The following NRXN3 variants were observed in gnomAD, a reference collection of about 807,000 sequenced individuals.
NRXN3 encodes the protein neurexin 3.
A neutral mutation model predicts 137.6 loss-of-function variants in NRXN3; 32 were observed. That is an observed-to-expected ratio of 0.23 (90% CI 0.18 to 0.31). The LOEUF (loss-of-function observed/expected upper bound fraction) is 0.31. Among genes scored for constraint, NRXN3 ranks in the 10% least tolerant of loss-of-function variants. NRXN3 has a pLI of 1.00. For synonymous variants in NRXN3, 798 were observed against 784.5 expected (o/e 1.02, Z -0.29); for missense variants, 1,574 against 2,062.5 (o/e 0.76, Z 4.59).
intron 2 of NRXN3, among the ~76,000 whole-genome samples, chr14:78,265,448 T>G (rs1453047261): frequency 6.6e-6 from 1 of 152,160 alleles, no homozygotes; most frequent in East Asian, 1.9e-4. Context: ...TTGTATGGCA[T>G]TTTATATTTT....
At chr14:79,466,969 C>G (rs572276017) in intron 15 of NRXN3, among the ~76,000 whole-genome samples, 1 of 152,148 alleles carries the variant, frequency 6.6e-6, no homozygotes, top group Non-Finnish European at 1.5e-5. Flanking sequence ...CGTTATGCAG[C>G]GGGAACTTAA....
At position 79,862,502 on chromosome 14, in the gene NRXN3, C is replaced by T. The variant is rs1047433875; in HGVS notation, c.*538C>T. On this transcript the variant is annotated 3_prime_UTR_variant, in exon 21 of 21. Transcript: ENST00000335750. ...ACAAAAACAAACAAAAAAAAAAACC[C>T]ACAACCCTTATCTGGTTCTGACCAG... is the stretch of plus-strand genomic sequence containing the variant. The T allele has an allele frequency of 1.3e-5, 2 of 151,258 alleles. No individual in the cohort carries two copies. Among genetic ancestry groups the T allele is most frequent in the Non-Finnish European group, 2.9e-5 (2 of 67,852 alleles). The allele number at this position is 151,258 out of a possible 1,614,324, so 9.4% of individuals were successfully genotyped here. A position where few individuals can be genotyped will look rare whatever the true frequency, so the allele number is the denominator to read the frequency against.
In NRXN3 at chr14:79,230,588, C is replaced by T. The variant is rs913533342; in HGVS notation, c.3263-236633C>T. ...AAATTCTCCATGGAAGTAGCTGCAG[C>T]TTGGAAGCTCATTCCATTGAAAAGT... On this transcript the variant is annotated intron_variant, in intron 15 of 20. Coordinates refer to ENST00000335750, the MANE Select transcript of NRXN3 (RefSeq NM_001330195.2). Among the ~76,000 whole-genome samples the T allele has an allele frequency of 1.2e-4, 18 of 152,262 alleles. 1 individual carries two copies. The highest frequency in any genetic ancestry group is 3.9e-4 in the African/African-American group (16 of 41,554).
intron 10 of NRXN3, among the ~76,000 whole-genome samples, chr14:78,913,966 C>CT (rs1567687285): frequency 6.6e-6 from 1 of 152,168 alleles, no homozygotes; most frequent in East Asian, 1.9e-4. Context: ...TCTGCCTGGA[C>CT]TGACACATCC....
chr14:79,056,824 G>A (rs368484840), intron 15 of NRXN3, among the ~76,000 whole-genome samples: 2 of 152,202 alleles, frequency 1.3e-5, no homozygotes, highest in African/African-American at 4.8e-5. Flanking sequence ...TGGAAAATTG[G>A]CAAGCAGGTG....
At chr14:79,185,907 T>C (rs2063492751) in intron 15 of NRXN3, among the ~76,000 whole-genome samples, 1 of 152,208 alleles carries the variant, frequency 6.6e-6, no homozygotes, top group Non-Finnish European at 1.5e-5. Flanking sequence ...TTTTATAAAA[T>C]AATTTCTGGC....
chr14:78,179,857 T>G (rs2059657572), intron 1 of NRXN3, among the ~76,000 whole-genome samples: 1 of 142,752 alleles, frequency 7.0e-6, no homozygotes, highest in East Asian at 2.0e-4. Flanking sequence ...TTTTTTTTTC[T>G]TGTTTTAGAC....
intron 4 of NRXN3, among the ~76,000 whole-genome samples, chr14:78,405,533 T>C (rs2092420580): frequency 6.7e-6 from 1 of 149,808 alleles, no homozygotes; most frequent in Non-Finnish European, 1.5e-5. Context: ...AGAGTGTTTG[T>C]CACTGGCCAC....
intron 8 of NRXN3, among the ~76,000 whole-genome samples, chr14:78,777,460 G>A (rs1269558786): frequency 1.3e-5 from 2 of 152,134 alleles, no homozygotes; most frequent in Non-Finnish European, 2.9e-5. Flanking sequence ...CTATCAGAGA[G>A]TTTGATCCTC....
At chr14:78,531,795 AACTGTAGAC>A (rs2096465247) in intron 4 of NRXN3, among the ~76,000 whole-genome samples, 1 of 152,146 alleles carries the variant, frequency 6.6e-6, no homozygotes, top group Non-Finnish European at 1.5e-5. Context: ...TCCTTAGGGA[AACTGTAGAC>A]ACTTTGAGAC....
At chr14:79,740,727 T>A (rs1452269847) in intron 19 of NRXN3, among the ~76,000 whole-genome samples, 2 of 26,244 alleles carry the variant, frequency 7.6e-5, no homozygotes, top group African/African-American at 3.3e-4. Context: ...TATATATATA[T>A]ATATATATAT....
intron 1 of NRXN3, among the ~76,000 whole-genome samples, chr14:78,184,547 G>C (rs915071099): frequency 1.3e-5 from 2 of 152,244 alleles, no homozygotes; most frequent in African/African-American, 4.8e-5. Flanking sequence ...AAGAAAGGGA[G>C]AGAAGCTGTT....
At chr14:78,426,731 C>T (rs1292480718) in intron 4 of NRXN3, among the ~76,000 whole-genome samples, 2 of 152,138 alleles carry the variant, frequency 1.3e-5, no homozygotes, top group Non-Finnish European at 2.9e-5. Context: ...CCTCTGGGCA[C>T]CTCTCATGTG....
intron 17 of NRXN3, among the ~76,000 whole-genome samples, chr14:79,674,575 T>A (rs1227692015): frequency 1.3e-5 from 2 of 151,996 alleles, no homozygotes; most frequent in Non-Finnish European, 2.9e-5. Flanking sequence ...CACAACCTAA[T>A]ACCCAGGTTG....
At chr14:78,475,832 T>C (rs2095368705) in intron 4 of NRXN3, among the ~76,000 whole-genome samples, 1 of 152,218 alleles carries the variant, frequency 6.6e-6, no homozygotes, top group Non-Finnish European at 1.5e-5. Context: ...ATGATAGAAC[T>C]ACTGGCTTCA....
At chr14:79,388,649 T>C (rs1043644494) in intron 15 of NRXN3, among the ~76,000 whole-genome samples, 1 of 152,046 alleles carries the variant, frequency 6.6e-6, no homozygotes, top group Non-Finnish European at 1.5e-5. Flanking sequence ...ATCCAGGGAC[T>C]CCAGTTCATC....
intron 16 of NRXN3, chr14:79,661,549 C>T (rs1358166864): frequency 1.3e-5 from 2 of 152,082 alleles, no homozygotes; most frequent in Non-Finnish European, 2.9e-5. Context: ...ATATAGAAAC[C>T]AGTGTCCCTC....
intron 16 of NRXN3, among the ~76,000 whole-genome samples, chr14:79,609,893 A>C (rs2098077314): frequency 6.6e-6 from 1 of 152,100 alleles, no homozygotes; most frequent in East Asian, 1.9e-4. Flanking sequence ...GTGGGAGTTG[A>C]ACAATGAGAA....
At chr14:78,950,339 G>A (rs2099384670) in intron 10 of NRXN3, among the ~76,000 whole-genome samples, 1 of 152,078 alleles carries the variant, frequency 6.6e-6, no homozygotes, top group African/African-American at 2.4e-5. Context: ...ATACATTGGG[G>A]ACAATATTCT....
Sources: gnomAD v4.1 joint callset for allele counts (sites outside exome capture counted in the v4.1 genomes callset) on GRCh38, gnomAD v4.1.1 for gene constraint, MANE v1.5 for transcripts, NCBI Gene and HGNC (gene_info 2026-07-23, HGNC 2026-07-21) for gene names.